HACE1: variants seen among roughly 807,000 people sequenced by gnomAD.
HACE1 encodes HECT domain and ankyrin repeat containing E3 ubiquitin protein ligase 1.
In HACE1, 73 loss-of-function variants were observed where a neutral mutation model predicts 118.4. That is an observed-to-expected ratio of 0.62 (90% confidence interval 0.51 to 0.75). The LOEUF (loss-of-function observed/expected upper bound fraction) is 0.75. Among genes scored for constraint, HACE1 ranks in the 30% least tolerant of loss-of-function variants. The pLI is 0.00. For synonymous variants in HACE1, 368 were observed against 374.8 expected (o/e 0.98, Z 0.21); for missense variants, 749 against 1,102.2 (o/e 0.68, Z 4.54).
At chr6:104,850,140 G>A (rs1776056510) in intron 3 of HACE1, among the ~76,000 whole-genome samples, 1 of 151,778 alleles carries the variant, frequency 6.6e-6, no homozygotes, top group Non-Finnish European at 1.5e-5. Flanking sequence ...AGTAGAGATG[G>A]GGTTTCACCA....
At position 104,785,151 on chromosome 6, in the gene HACE1, T is replaced by C; in HGVS notation, c.1243A>G (p.Ser415Gly). ...GTGCCAGTGGACAGATTTTCATAGC[T>C]CCCAGGTCCTGGAGGTTCAAATGGA... The part of the protein sequence containing the change: ...IPPFEPPGPG[S>G]YENLSTGTRE... Residue 415 changes from serine to glycine, a missense_variant, in exon 12 of 24, where the codon AGC becomes GGC. By Grantham distance (56) the Ser-to-Gly change is moderately conservative. Around this residue, in one of 5 missense-constraint regions of HACE1, gnomAD observed 267 missense variants for 312.2 expected, o/e 0.86. Coordinates refer to ENST00000262903, the MANE Select transcript of HACE1 (RefSeq NM_020771.4). 6.2e-7 allele frequency: 1 copy of C among 1,613,998 alleles called. No homozygotes were observed. The highest frequency in any genetic ancestry group is 8.5e-7 in the Non-Finnish European group (1 of 1,179,966).
At chr6:104,814,844 C>T (rs1298818145) in intron 6 of HACE1, among the ~76,000 whole-genome samples, 1 of 138,044 alleles carries the variant, frequency 7.2e-6, no homozygotes, top group Non-Finnish European at 1.6e-5. Flanking sequence ...TGCTTGCTTC[C>T]CCCTTTGCCT....
At chr6:104,762,884 G>A (rs978796441) in intron 19 of HACE1, among the ~76,000 whole-genome samples, 2 of 151,342 alleles carry the variant, frequency 1.3e-5, no homozygotes, top group African/African-American at 4.9e-5. Context: ...CAGCTACTCG[G>A]GAGGCTGAGG....
rs557599831 is a variant in HACE1, at chr6:104,741,913, C to T, written c.2513+2247G>A. 2.8e-3 allele frequency among the ~76,000 whole-genome samples: 422 copies of T among 151,630 alleles called. 4 individuals are homozygous for T. Among genetic ancestry groups the T allele is most frequent in the African/African-American group, 9.8e-3 (406 of 41,230 alleles). Reference sequence around the variant, plus strand: ...TCACACTACCTGACTTCAAACTATACGACAAGGCTACAGTAACCAAAACAG... The same window carrying T: ...TCACACTACCTGACTTCAAACTATATGACAAGGCTACAGTAACCAAAACAG... On this transcript the variant is annotated intron_variant, in intron 22 of 23. Coordinates refer to ENST00000262903, the MANE Select transcript of HACE1 (RefSeq NM_020771.4).
At chr6:104,771,582 AC>A (rs1386283887) in intron 18 of HACE1, among the ~76,000 whole-genome samples, 193 bp from the exon 19 acceptor site, 1 of 152,174 alleles carries the variant, frequency 6.6e-6, no homozygotes, top group African/African-American at 2.4e-5. Context: ...TCACATTGTT[AC>A]AATGTAATCT....
At chr6:104,741,885 G>T (rs1434479940) in intron 22 of HACE1, among the ~76,000 whole-genome samples, 1 of 150,856 alleles carries the variant, frequency 6.6e-6, no homozygotes, top group African/African-American at 2.4e-5. Flanking sequence ...AAAGCTGGAG[G>T]CATCACACTA....
At chr6:104,800,621 C>T (rs999033723) in intron 7 of HACE1, among the ~76,000 whole-genome samples, 3 of 152,176 alleles carry the variant, frequency 2.0e-5, no homozygotes, top group Non-Finnish European at 2.9e-5. Flanking sequence ...AGACCTGCAG[C>T]TGAGGGACCT....
At chr6:104,834,863 A>G (rs1445626360) in intron 5 of HACE1, among the ~76,000 whole-genome samples, 1 of 152,224 alleles carries the variant, frequency 6.6e-6, no homozygotes, top group African/African-American at 2.4e-5. Context: ...TTAGAGCCTC[A>G]TATCTCTACC....
chr6:104,857,956 CAAA>C (rs34623570), intron 1 of HACE1, among the ~76,000 whole-genome samples: 5 of 101,732 alleles, frequency 4.9e-5, no homozygotes, highest in Non-Finnish European at 6.2e-5. Context: ...GACTCCGTCT[CAAA>C]AAAAAAAAAA....
chr6:104,855,119 G>GCA (rs1776590528), intron 1 of HACE1, among the ~76,000 whole-genome samples: 1 of 152,124 alleles, frequency 6.6e-6, no homozygotes, highest in East Asian at 1.9e-4. Flanking sequence ...TGTAACAGTG[G>GCA]CATTATGTGG....
intron 7 of HACE1, among the ~76,000 whole-genome samples, chr6:104,805,254 G>A (rs1186270487): frequency 6.6e-6 from 1 of 152,194 alleles, no homozygotes; most frequent in Non-Finnish European, 1.5e-5. Flanking sequence ...TACACTGTTG[G>A]TGGGAGTGTA....
intron 19 of HACE1, among the ~76,000 whole-genome samples, chr6:104,758,957 GACATT>G (rs1374395051): frequency 6.6e-6 from 1 of 151,926 alleles, no homozygotes; most frequent in Admixed American, 6.6e-5. Flanking sequence ...GACAAGGAAG[GACATT>G]ACATAATGGT....
Position 104,815,346 on chromosome 6 carries a change from G to A in HACE1, c.535-3953C>T, listed in dbSNP as rs1020286378. On this transcript the variant is annotated intron_variant, in intron 6 of 23. Transcript: ENST00000262903. Reference sequence around the variant, plus strand: ...GTGAAACTTTAAACTTGAAAGAGATGAATTAGGGTATCTGGTGGAAGAAAT... The same window carrying A: ...GTGAAACTTTAAACTTGAAAGAGATAAATTAGGGTATCTGGTGGAAGAAAT... Among the ~76,000 whole-genome samples, 2 of 136,808 alleles carry A rather than the reference G, an allele frequency of 1.5e-5. 1 individual carries two copies. The highest frequency in any genetic ancestry group is 3.1e-5 in the Non-Finnish European group (2 of 63,884). 89.8% of individuals were successfully genotyped at this position (136,808 alleles called of 152,430 possible).
chr6:104,830,946 T>C (rs534713769), intron 6 of HACE1, among the ~76,000 whole-genome samples: 3 of 151,986 alleles, frequency 2.0e-5, no homozygotes, highest in Non-Finnish European at 2.9e-5. Flanking sequence ...CCAAGCAGCA[T>C]AGTGCACTAC....
At chr6:104,742,717 C>G (rs1034173899) in intron 22 of HACE1, among the ~76,000 whole-genome samples, 1 of 151,608 alleles carries the variant, frequency 6.6e-6, no homozygotes. Context: ...GTTGGTGGGA[C>G]TGTAAACTAG....
chr6:104,736,734 C>G (rs1775880159), intron 22 of HACE1, among the ~76,000 whole-genome samples: 1 of 152,064 alleles, frequency 6.6e-6, no homozygotes. Flanking sequence ...ATACTGCTTA[C>G]TTGGCAGTAA....
chr6:104,791,463 T>G, intron 11 of HACE1, 41 bp downstream of exon 11: 1 of 1,549,884 alleles, frequency 6.5e-7, no homozygotes, highest in Non-Finnish European at 8.9e-7. Context: ...ATTCATCTCT[T>G]TTACGTCTAT....
chr6:104,811,247 C>CATAGAT (rs1771574682), intron 7 of HACE1, 64 bp downstream of exon 7: 3 of 208,512 alleles, frequency 1.4e-5, no homozygotes, highest in Non-Finnish European at 8.8e-6. Flanking sequence ...TTTATTTATA[C>CATAGAT]ATATATATAT....
Position 104,750,329 on chromosome 6 carries a change from G to GT in HACE1, c.2343+11dup. The GT allele has an allele frequency of 1.9e-6, 3 of 1,608,786 alleles. No homozygotes were observed. Among genetic ancestry groups the GT allele is most frequent in the African/African-American group, 1.3e-5 (1 of 74,864 alleles). ...GTTGTGTTACAACATAAGAACTGAT[G>GT]TTTTTCCTTACCAATTCATATTCAT... On this transcript the variant is annotated intron_variant, in intron 20 of 23. Coordinates refer to ENST00000262903, the MANE Select transcript of HACE1 (RefSeq NM_020771.4).
Sources: gnomAD v4.1 joint callset for allele counts (sites outside exome capture counted in the v4.1 genomes callset) on GRCh38, gnomAD v4.1.1 for gene constraint, gnomAD v4.1.1 regional missense constraint, MANE v1.5 for transcripts, NCBI Gene and HGNC (gene_info 2026-07-23, HGNC 2026-07-21) for gene names.